EPS8: variants seen among roughly 807,000 people sequenced by gnomAD.
EPS8 encodes the protein EGFR pathway substrate 8, signaling adaptor, also known as epidermal growth factor receptor kinase substrate 8.
A neutral mutation model predicts 103.8 loss-of-function variants in EPS8; 42 were observed. That is an observed-to-expected ratio of 0.40 (90% confidence interval 0.32 to 0.52). The LOEUF (loss-of-function observed/expected upper bound fraction) is 0.52, where lower values mean the gene tolerates loss of function less well. Ranked by LOEUF, EPS8 falls within the 20% of genes least tolerant of loss-of-function variation. The pLI is 0.40. For synonymous variants in EPS8, 344 were observed against 344.6 expected (o/e 1.00, Z 0.02); for missense variants, 969 against 1,005.1 (o/e 0.96, Z 0.49).
intron 18 of EPS8, among the ~76,000 whole-genome samples, chr12:15,626,435 C>A (rs533995319): frequency 4.0e-4 from 61 of 152,042 alleles, no homozygotes; most frequent in Non-Finnish European, 3.1e-4. Context: ...TCGAGACCAT[C>A]CTGGCCAACA....
At chr12:15,649,782 C>T (rs1945380385) in intron 14 of EPS8, among the ~76,000 whole-genome samples, 1 of 152,142 alleles carries the variant, frequency 6.6e-6, no homozygotes. Context: ...ATAAACATTT[C>T]CCCTTAAAAG....
rs1207423793 is a variant in EPS8, at chr12:15,706,891, A to G, written c.-21-23919T>C. On this transcript the variant is annotated intron_variant, in intron 1 of 20. Coordinates refer to ENST00000281172, the MANE Select transcript of EPS8 (RefSeq NM_004447.6). This position sits in a 1 kb window ranked among gnomAD's most constrained non-coding sequence, Gnocchi z 5.2. Reference sequence around the variant, plus strand: ...ATACAAATGCCCATATTTGATATCTAGTTAGCAAGCCAGACAAGCTTACAT... The same window carrying G: ...ATACAAATGCCCATATTTGATATCTGGTTAGCAAGCCAGACAAGCTTACAT... Among the ~76,000 whole-genome samples the G allele has an allele frequency of 6.6e-6, 1 of 152,168 alleles. No individual in the cohort carries two copies. Among genetic ancestry groups the G allele is most frequent in the Non-Finnish European group, 1.5e-5 (1 of 68,030 alleles).
intron 1 of EPS8, chr12:15,683,928 A>G (rs976923952): frequency 2.0e-5 from 3 of 152,188 alleles, no homozygotes; most frequent in African/African-American, 7.2e-5. Flanking sequence ...TAGGCAGGAC[A>G]TACCCCAGCT....
chr12:15,719,786 G>A (rs773118644), intron 1 of EPS8, among the ~76,000 whole-genome samples: 6 of 152,086 alleles, frequency 3.9e-5, no homozygotes, highest in Admixed American at 1.3e-4. Flanking sequence ...TCCTAACCAA[G>A]TCTTAATCTT....
intron 3 of EPS8, among the ~76,000 whole-genome samples, chr12:15,674,151 C>T (rs1169894241): frequency 6.6e-6 from 1 of 152,174 alleles, no homozygotes; most frequent in African/African-American, 2.4e-5. Flanking sequence ...GGTATTTACA[C>T]TTAATTCCCT....
chr12:15,748,697 G>C lies in EPS8; in HGVS notation c.-22+40464C>G, dbSNP rs1425008937. 6.6e-6 allele frequency among the ~76,000 whole-genome samples: 1 copy of C among 152,130 alleles called. No individual in the cohort carries two copies. The highest frequency in any genetic ancestry group is 1.5e-5 in the Non-Finnish European group (1 of 68,018). ...GTTTAAAATGGAATAACTCTAGATA[G>C]AAAATTCTATTCTGCAACAAGTTTT... On this transcript the variant is annotated intron_variant, in intron 1 of 20. Transcript: ENST00000281172. The surrounding 1 kb of genome is among the most constrained non-coding windows in gnomAD (Gnocchi z 4.8).
intron 1 of EPS8, among the ~76,000 whole-genome samples, chr12:15,774,814 A>C (rs929844285): frequency 1.3e-5 from 2 of 151,624 alleles, no homozygotes; most frequent in Non-Finnish European, 1.5e-5. Context: ...GATTTGACAA[A>C]TATTTATCTA....
Position 15,706,577 on chromosome 12 carries a change from T to G in EPS8, c.-21-23605A>C, listed in dbSNP as rs1946389999. ...GCCAATATTTGCTTAATATCTGCAT[T>G]TCAAAAATAAAGTACTAGCTGGTAT... is the stretch of plus-strand genomic sequence containing the variant. On this transcript the variant is annotated intron_variant, in intron 1 of 20. Coordinates refer to ENST00000281172, the MANE Select transcript of EPS8 (RefSeq NM_004447.6). This position sits in a 1 kb window ranked among gnomAD's most constrained non-coding sequence, Gnocchi z 5.2. 6.6e-6 allele frequency among the ~76,000 whole-genome samples: 1 copy of G among 152,196 alleles called. No homozygotes were observed.
chr12:15,663,902 C>G (rs1374146312), intron 8 of EPS8, among the ~76,000 whole-genome samples: 3 of 110,710 alleles, frequency 2.7e-5, no homozygotes, highest in Non-Finnish European at 5.0e-5. Context: ...GCCTGGGTGA[C>G]AGAGCAACAC....
intron 17 of EPS8, among the ~76,000 whole-genome samples, chr12:15,633,252 G>C (rs1057072562): frequency 4.0e-4 from 61 of 152,248 alleles, no homozygotes; most frequent in African/African-American, 1.5e-3. Context: ...ACTTAAAGCA[G>C]TCAAAATACA....
Position 15,658,137 on chromosome 12 carries a change from T to C in EPS8, c.1043A>G (p.His348Arg), listed in dbSNP as rs200905012. 68 of 1,610,824 alleles carry C rather than the reference T, an allele frequency of 4.2e-5. No individual in the cohort carries two copies. The African/African-American group carries it at 7.5e-4, about 18-fold the overall frequency. ...GFNLLAKLKS[H>R]IQNPSAADLV... ...ATCTGCAGCACTAGGATTCTGAATA[T>C]GAGACTTCAGTTTGGCCTGCAACAT... The change falls in exon 12 of 21, where the codon CAT becomes CGT. Residue 348 changes from histidine (H) to arginine (R), a missense_variant. Physicochemically the swap from His to Arg is conservative, Grantham distance 29. Transcript: ENST00000281172.
Position 15,669,475 on chromosome 12 carries a change from C to A in EPS8, c.428G>T (p.Cys143Phe). The change falls in exon 6 of 21, where the codon TGC becomes TTC. Residue 143 changes from cysteine (C) to phenylalanine (F), a missense_variant. Coordinates refer to ENST00000281172, the MANE Select transcript of EPS8 (RefSeq NM_004447.6). ...IQHCQAVMHS[C>F]SYDSVLALVC... is the part of the protein sequence containing the mutation. ...CAGTGCAAGAACTGAATCATAGCTG[C>A]ATGAATGCATCACAGCTTGGCAGTG... 1 of 1,613,958 alleles carries A rather than the reference C, an allele frequency of 6.2e-7. No homozygotes were observed. The highest frequency in any genetic ancestry group is 8.5e-7 in the Non-Finnish European group (1 of 1,179,904).
chr12:15,757,112 C>T lies in EPS8; in HGVS notation c.-22+32049G>A, dbSNP rs1365673636. ...ATCATATCTCATAAATTTTATGTCC[C>T]TAGTAACTGTAATAGAAACCTAGAA... On this transcript the variant is annotated intron_variant, in intron 1 of 20. Transcript: ENST00000281172. The surrounding 1 kb of genome is among the most constrained non-coding windows in gnomAD (Gnocchi z 4.1). 6.6e-6 allele frequency among the ~76,000 whole-genome samples: 1 copy of T among 152,112 alleles called. No individual in the cohort carries two copies. Among genetic ancestry groups the T allele is most frequent in the African/African-American group, 2.4e-5 (1 of 41,418 alleles).
At chr12:15,707,402 C>T (rs1946401140) in intron 1 of EPS8, among the ~76,000 whole-genome samples, 1 of 152,126 alleles carries the variant, frequency 6.6e-6, no homozygotes, top group Non-Finnish European at 1.5e-5. Context: ...CATCATTACT[C>T]ATCGATTCTA....
intron 1 of EPS8, among the ~76,000 whole-genome samples, chr12:15,741,827 A>G (rs554387087): frequency 1.4e-4 from 22 of 152,004 alleles, no homozygotes; most frequent in African/African-American, 5.3e-4. Context: ...CTCGTCATTT[A>G]CATTAGGTAT....
Position 15,669,828 on chromosome 12 carries a change from T to C in EPS8, c.205-3A>G. 6.3e-7 allele frequency: 1 copy of C among 1,581,040 alleles called. No individual in the cohort carries two copies. The highest frequency in any genetic ancestry group is 8.6e-7 in the Non-Finnish European group (1 of 1,166,288). On this transcript the variant is annotated splice_polypyrimidine_tract_variant and splice_region_variant and intron_variant, in intron 4 of 20. Transcript: ENST00000281172. The stretch of plus-strand genomic sequence containing the variant: ...TCCAGGACAAAGGTAGTCAAGTGCT[T>C]ACAATTGGCAAAAAGGAAAAAGATT...
At chr12:15,663,549 A>G (rs144941011) in intron 8 of EPS8, among the ~76,000 whole-genome samples, 27 of 152,294 alleles carry the variant, frequency 1.8e-4, no homozygotes, top group African/African-American at 5.8e-4. Flanking sequence ...ACTTAAACAG[A>G]TGACATTGCA....
chr12:15,639,942 TGA>T lies in EPS8; in HGVS notation c.1821+759_1821+760del, dbSNP rs1317528408. Among the ~76,000 whole-genome samples, 14 of 152,344 alleles carry T rather than the reference TGA, an allele frequency of 9.2e-5. No homozygotes were observed. In the East Asian group the frequency reaches 2.5e-3, roughly 27 times the overall value. ...CCACCCCAGGTTCACTGGCTGTACC[TGA>T]GAGAGTCCATCCATTCTGTCTTTGT... On this transcript the variant is annotated intron_variant, in intron 17 of 20. Transcript: ENST00000281172.
Position 15,749,236 on chromosome 12 carries a change from T to C in EPS8, c.-22+39925A>G, listed in dbSNP as rs1946906790. 6.6e-6 allele frequency among the ~76,000 whole-genome samples: 1 copy of C among 152,164 alleles called. No homozygotes were observed. The highest frequency in any genetic ancestry group is 1.5e-5 in the Non-Finnish European group (1 of 68,030). On this transcript the variant is annotated intron_variant, in intron 1 of 20. Transcript: ENST00000281172. This position sits in a 1 kb window ranked among gnomAD's most constrained non-coding sequence, Gnocchi z 4.0. ...TATTCTGGTTTCCAACACTGTCCAA[T>C]AGGTTTTTCAATATATCTTTTAATA...
Sources: gnomAD v4.1 joint callset for allele counts (sites outside exome capture counted in the v4.1 genomes callset) on GRCh38, gnomAD v4.1.1 for gene constraint, Gnocchi (gnomAD v3.1) non-coding constraint, MANE v1.5 for transcripts, NCBI Gene and HGNC (gene_info 2026-07-23, HGNC 2026-07-21) for gene names.